The following ABCA12 variants were observed in gnomAD, a reference collection of about 807,000 sequenced individuals.
ABCA12 encodes ATP binding cassette subfamily A member 12, also known as glucosylceramide transporter ABCA12.
In ABCA12, 156 loss-of-function variants were observed where a neutral mutation model predicts 293.5. The observed-to-expected ratio is 0.53, with a 90% CI of 0.47 to 0.61. ABCA12 has a LOEUF of 0.61. Ranked by LOEUF, ABCA12 falls within the 20% of genes least tolerant of loss-of-function variation. ABCA12 has a pLI of 0.00. For missense variants in ABCA12, 2,797 were observed against 3,090.2 expected, an observed-to-expected ratio of 0.91 and a Z score of 2.25; for synonymous variants, 1,063 against 1,108.0, an observed-to-expected ratio of 0.96 and a Z score of 0.81.
chr2:214,938,044 T>C, intron 50 of ABCA12, among the ~76,000 whole-genome samples: 1 of 152,102 alleles, frequency 6.6e-6, no homozygotes, highest in Non-Finnish European at 1.5e-5. Context: ...CCGTGGTGGT[T>C]TGCTGCACCC....
In ABCA12 at chr2:214,953,878, T is replaced by C; in HGVS notation, c.6623A>G (p.Asn2208Ser). The C allele has an allele frequency of 1.2e-6, 2 of 1,613,968 alleles. No homozygotes were observed. Among genetic ancestry groups the C allele is most frequent in the Admixed American group, 1.7e-5 (1 of 60,006 alleles). The change falls in exon 44 of 53, where the codon AAC becomes AGC. Residue 2208 changes from asparagine to serine, a missense_variant. By Grantham distance (46) the Asn-to-Ser change is conservative (BLOSUM62 1). Around this residue, in one of 3 missense-constraint regions of ABCA12, gnomAD observed 2,130 missense variants for 2,427.0 expected, o/e 0.88. Transcript: ENST00000272895. ...TMFFSLRLLI[N>S]ESLIKKLRLF... Reference sequence around the variant, plus strand: ...CCTGAGTTTCTTTATCAGGGATTCGTTGATTAAGAGTCGCAAGGAAAAAAA... The same window carrying C: ...CCTGAGTTTCTTTATCAGGGATTCGCTGATTAAGAGTCGCAAGGAAAAAAA...
At chr2:215,015,395 A>G in intron 15 of ABCA12, 95 bp downstream of exon 15, 7 of 1,217,984 alleles carry the variant, frequency 5.7e-6, no homozygotes, top group Non-Finnish European at 7.1e-6. Context: ...GAATAAATGG[A>G]TCTCATCCCT....
intron 11 of ABCA12, among the ~76,000 whole-genome samples, chr2:215,020,019 C>A (rs1700592897): frequency 6.6e-6 from 1 of 151,958 alleles, no homozygotes; most frequent in South Asian, 2.1e-4. Flanking sequence ...GCCTATTAGA[C>A]CTGTCTTTCT....
intron 23 of ABCA12, among the ~76,000 whole-genome samples, chr2:214,995,146 A>C (rs1157346228): frequency 6.6e-6 from 1 of 152,172 alleles, no homozygotes; most frequent in East Asian, 1.9e-4. Flanking sequence ...TTTATTTAAC[A>C]AGGGAAAGGG....
chr2:215,083,740 TC>T (rs200014296), intron 2 of ABCA12, among the ~76,000 whole-genome samples: 3,129 of 152,198 alleles, frequency 0.021, 38 homozygotes, highest in Middle Eastern at 0.044. Flanking sequence ...GCAGAGTAGC[TC>T]ACATGACATA....
At chr2:214,973,870 T>C in intron 36 of ABCA12, 79 bp downstream of exon 36, 1 of 1,228,990 alleles carries the variant, frequency 8.1e-7, no homozygotes, top group South Asian at 1.2e-5. Context: ...GATTCTTTGG[T>C]AACCTAGAGA....
intron 8 of ABCA12, among the ~76,000 whole-genome samples, chr2:215,036,723 G>GTTGTTACAC (rs1701002128): frequency 6.6e-6 from 1 of 151,796 alleles, no homozygotes; most frequent in Non-Finnish European, 1.5e-5. Context: ...CAAGCTAACA[G>GTTGTTACAC]AGATCATTTT....
chr2:215,064,921 C>G (rs1246748953), intron 2 of ABCA12, among the ~76,000 whole-genome samples: 3 of 151,892 alleles, frequency 2.0e-5, no homozygotes, highest in African/African-American at 7.2e-5. Flanking sequence ...AAACCAGGAG[C>G]TATTTTTGGT....
chr2:214,947,971 A>G (rs957549431), intron 47 of ABCA12: 7 of 252,720 alleles, frequency 2.8e-5, no homozygotes, highest in Non-Finnish European at 3.9e-5. Context: ...AAGGCTTTCA[A>G]TCTATTTAAA....
chr2:215,019,368 A>G lies in ABCA12; in HGVS notation c.1625T>C (p.Val542Ala), dbSNP rs114651183. The G allele has an allele frequency of 0.019, 30,147 of 1,612,600 alleles. 356 individuals carry two copies. The highest frequency in any genetic ancestry group is 0.023 in the Non-Finnish European group (26,632 of 1,179,834). ...TTCAGAAGCATCTGCACTGTTATTG[A>G]CATGCAGCATGGCTTCTATGATCGG... ...LIPIIEAMLH[V>A]NNSADASEKP... The change falls in exon 13 of 53, where the codon GTC becomes GCC. Residue 542 changes from valine to alanine, a missense_variant. By Grantham distance (64) the Val-to-Ala change is moderately conservative (BLOSUM62 0). Around this residue, in one of 3 missense-constraint regions of ABCA12, gnomAD observed 656 missense variants for 638.2 expected, o/e 1.03. Coordinates refer to ENST00000272895, the MANE Select transcript of ABCA12 (RefSeq NM_173076.3).
At chr2:215,064,709 ACACACAC>A (rs1701607180) in intron 2 of ABCA12, among the ~76,000 whole-genome samples, 19 of 151,438 alleles carry the variant, frequency 1.3e-4, no homozygotes, top group Admixed American at 4.0e-4. Context: ...ACACACACAC[ACACACAC>A]ACACACACAC....
chr2:215,052,315 A>G (rs1208410231), intron 5 of ABCA12, among the ~76,000 whole-genome samples, 172 bp downstream of exon 5: 2 of 135,808 alleles, frequency 1.5e-5, no homozygotes, highest in Non-Finnish European at 2.9e-5. Flanking sequence ...GGAATTCAGA[A>G]TGTCTTAAAA....
chr2:215,006,357 C>T (rs1042133767), intron 19 of ABCA12, among the ~76,000 whole-genome samples: 2 of 151,872 alleles, frequency 1.3e-5, no homozygotes, highest in African/African-American at 4.8e-5. Flanking sequence ...CTAGAAAAGG[C>T]CACTTAAAAT....
At chr2:215,072,744 G>A (rs922201105) in intron 2 of ABCA12, among the ~76,000 whole-genome samples, 1 of 152,156 alleles carries the variant, frequency 6.6e-6, no homozygotes, top group African/African-American at 2.4e-5. Context: ...TGAATCTGGG[G>A]GAAGTTTAAA....
At position 215,049,650 on chromosome 2, in the gene ABCA12, T is replaced by C. The variant is rs748483240; in HGVS notation, c.669A>G (p.Gln223=). ...SNMTLLESSL[Q]ELNKQFSQLS... Reference sequence around the variant, plus strand: ...CCTGGGAGAACTGTTTGTTTAGTTCTTGGAGAGAAGACTCTAAAAGGGTCA... The same window carrying C: ...CCTGGGAGAACTGTTTGTTTAGTTCCTGGAGAGAAGACTCTAAAAGGGTCA... Residue 223 remains glutamine (Q), a synonymous_variant, in exon 6 of 53, where the codon CAA becomes CAG. Coordinates refer to ENST00000272895, the MANE Select transcript of ABCA12 (RefSeq NM_173076.3). The C allele has an allele frequency of 6.2e-7, 1 of 1,613,454 alleles. No individual in the cohort carries two copies. The highest frequency in any genetic ancestry group is 8.5e-7 in the Non-Finnish European group (1 of 1,179,596).
At chr2:215,131,969 TTC>T (rs1399294225) in intron 1 of ABCA12, among the ~76,000 whole-genome samples, 19 of 152,072 alleles carry the variant, frequency 1.2e-4, no homozygotes, top group African/African-American at 4.6e-4. Flanking sequence ...TTTTTTTAAT[TTC>T]TGCCATTATT....
At chr2:215,133,974 T>C (rs1703118402) in intron 1 of ABCA12, among the ~76,000 whole-genome samples, 2 of 152,042 alleles carry the variant, frequency 1.3e-5, no homozygotes, top group African/African-American at 2.4e-5. Context: ...CTTGGACAAG[T>C]CCCTTGAGCA....
chr2:214,942,947 A>T lies in ABCA12; in HGVS notation c.7414T>A (p.Ser2472Thr). Residue 2472 changes from serine (S) to threonine (T), a missense_variant, in exon 50 of 53, where the codon TCT (serine) becomes ACT (threonine). Physicochemically the swap from Ser to Thr is moderately conservative, Grantham distance 58. Coordinates refer to ENST00000272895, the MANE Select transcript of ABCA12 (RefSeq NM_173076.3). ...CACCTGCTCTTTATGTGCTGCAAAGATCCAATACATTGAAACTTTCCATTC... is the reference window on the plus strand; with the variant it reads ...CACCTGCTCTTTATGTGCTGCAAAGTTCCAATACATTGAAACTTTCCATTC... ...MVNGKFQCIG[S>T]LQHIKSRFGR... 2 of 1,613,418 alleles carry T rather than the reference A, an allele frequency of 1.2e-6. No homozygotes were observed. The highest frequency in any genetic ancestry group is 1.1e-5 in the South Asian group (1 of 91,084).
At chr2:214,994,724 G>A (rs1464088349) in intron 23 of ABCA12, among the ~76,000 whole-genome samples, 1 of 152,038 alleles carries the variant, frequency 6.6e-6, no homozygotes, top group Non-Finnish European at 1.5e-5. Context: ...CCACTGGTGG[G>A]GTGGATTAAT....
Sources: gnomAD v4.1 joint callset for allele counts (sites outside exome capture counted in the v4.1 genomes callset) on GRCh38, gnomAD v4.1.1 for gene constraint, gnomAD v4.1.1 regional missense constraint, MANE v1.5 for transcripts, NCBI Gene and HGNC (gene_info 2026-07-23, HGNC 2026-07-21) for gene names.